The following KLHL1 variants were observed in gnomAD, a reference collection of about 807,000 sequenced individuals.
KLHL1 encodes the protein kelch like family member 1.
In KLHL1, 47 loss-of-function variants were observed where a neutral mutation model predicts 77.7. That is an observed-to-expected ratio of 0.60 (90% CI 0.48 to 0.77). The LOEUF (loss-of-function observed/expected upper bound fraction) is 0.77. Ranked by LOEUF, KLHL1 falls within the 30% of genes least tolerant of loss-of-function variation. The probability of loss-of-function intolerance (pLI) is 0.00; values close to 1 mark genes in which losing one functional copy is unlikely to be tolerated. For missense variants in KLHL1, 925 were observed against 910.8 expected (o/e 1.02, Z -0.20); for synonymous variants, 360 against 325.2 (o/e 1.11, Z -1.15).
chr13:69,931,836 A>G (rs183033039), intron 4 of KLHL1, among the ~76,000 whole-genome samples: 2,034 of 151,906 alleles, frequency 0.013, 29 homozygotes, highest in Non-Finnish European at 0.019. Context: ...TACCTGTTAA[A>G]AAGTTTTGAA....
intron 8 of KLHL1, among the ~76,000 whole-genome samples, chr13:69,735,729 A>C (rs2137921728): frequency 6.6e-6 from 1 of 151,862 alleles, no homozygotes; most frequent in East Asian, 1.9e-4. Context: ...TTAATATTTC[A>C]AATTTAGAGA....
intron 1 of KLHL1, among the ~76,000 whole-genome samples, chr13:70,020,599 A>G (rs1002439694): frequency 6.6e-6 from 1 of 152,014 alleles, no homozygotes; most frequent in African/African-American, 2.4e-5. Context: ...GTATCATGAG[A>G]CTACCTGGAG....
chr13:70,073,320 A>G (rs1426211446), intron 1 of KLHL1, among the ~76,000 whole-genome samples: 1 of 152,062 alleles, frequency 6.6e-6, no homozygotes, highest in Admixed American at 6.6e-5. Context: ...AAAAAACCAA[A>G]CACCACATGT....
At chr13:69,957,534 C>T (rs547269456) in intron 3 of KLHL1, among the ~76,000 whole-genome samples, 1 of 151,752 alleles carries the variant, frequency 6.6e-6, no homozygotes, top group South Asian at 2.1e-4. Flanking sequence ...TAAGGAGCAT[C>T]GACATATATA....
intron 10 of KLHL1, among the ~76,000 whole-genome samples, chr13:69,703,963 A>G (rs980460450): frequency 6.6e-6 from 1 of 151,598 alleles, no homozygotes; most frequent in Non-Finnish European, 1.5e-5. Flanking sequence ...GCATGACTGT[A>G]TATGTTCACA....
intron 6 of KLHL1, among the ~76,000 whole-genome samples, chr13:69,814,516 C>T (rs578080951): frequency 6.6e-6 from 1 of 152,114 alleles, no homozygotes; most frequent in South Asian, 2.1e-4. Context: ...AAAAGGCTAA[C>T]ATCCAGAATC....
At chr13:70,015,739 G>A (rs897422838) in intron 1 of KLHL1, among the ~76,000 whole-genome samples, 2 of 152,100 alleles carry the variant, frequency 1.3e-5, no homozygotes, top group African/African-American at 4.8e-5. Context: ...GATAGGTTAG[G>A]TGTATTAAAT....
In KLHL1 at chr13:69,889,759, G is replaced by A. The variant is rs1307914691; in HGVS notation, c.1015-7264C>T. ...GGGTTTCTTGTATGTAAATGAGGAT[G>A]AAAATAGCATCCATGATAATGCATT... On this transcript the variant is annotated intron_variant, in intron 4 of 10. Transcript: ENST00000377844. Among the ~76,000 whole-genome samples the A allele has an allele frequency of 2.0e-5, 3 of 152,104 alleles. No individual in the cohort carries two copies. The East Asian group carries it at 5.8e-4, about 29-fold the overall frequency.
chr13:69,736,275 A>G (rs1011689173), intron 8 of KLHL1, among the ~76,000 whole-genome samples: 2 of 152,206 alleles, frequency 1.3e-5, no homozygotes, highest in African/African-American at 4.8e-5. Flanking sequence ...TGAGGAACAA[A>G]CATATGAAAA....
intron 7 of KLHL1, among the ~76,000 whole-genome samples, chr13:69,754,019 T>C (rs1874601738): frequency 6.6e-6 from 1 of 151,862 alleles, no homozygotes; most frequent in African/African-American, 2.4e-5. Flanking sequence ...TTTTTTGTTT[T>C]TAGTAGAGAT....
chr13:69,798,106 T>C (rs1452244272), intron 6 of KLHL1, among the ~76,000 whole-genome samples: 1 of 152,160 alleles, frequency 6.6e-6, no homozygotes, highest in Non-Finnish European at 1.5e-5. Flanking sequence ...TAAGATAATA[T>C]AAGCTAACAG....
intron 7 of KLHL1, among the ~76,000 whole-genome samples, chr13:69,780,733 CATAT>C (rs1217018845): frequency 7.1e-5 from 3 of 42,080 alleles, no homozygotes; most frequent in Admixed American, 2.8e-4. Flanking sequence ...TATATATATA[CATAT>C]ATATATACAT....
intron 1 of KLHL1, among the ~76,000 whole-genome samples, chr13:70,078,105 T>C (rs1360102772): frequency 2.6e-5 from 4 of 151,852 alleles, no homozygotes; most frequent in African/African-American, 4.8e-5. Flanking sequence ...TGGCCTTAGC[T>C]GAGAAAGGAA....
chr13:69,974,193 C>A (rs1884476557), intron 2 of KLHL1, among the ~76,000 whole-genome samples: 1 of 151,568 alleles, frequency 6.6e-6, no homozygotes, highest in African/African-American at 2.4e-5. Flanking sequence ...TTTTTAAAAA[C>A]TAATTTTTCG....
intron 6 of KLHL1, among the ~76,000 whole-genome samples, chr13:69,835,929 G>A (rs1343014978): frequency 6.6e-6 from 1 of 151,850 alleles, no homozygotes; most frequent in Non-Finnish European, 1.5e-5. Flanking sequence ...AATACACAGG[G>A]GCTTCTTTTA....
intron 4 of KLHL1, among the ~76,000 whole-genome samples, chr13:69,914,702 C>T (rs1000352333): frequency 6.6e-6 from 1 of 152,154 alleles, no homozygotes; most frequent in African/African-American, 2.4e-5. Flanking sequence ...TACTGTACAG[C>T]ACTGTAACTC....
rs1874083785 is a variant in KLHL1, at chr13:69,743,784, T to TA, written c.1640-3229_1640-3228insT. On this transcript the variant is annotated intron_variant, in intron 7 of 10. Coordinates refer to ENST00000377844, the MANE Select transcript of KLHL1 (RefSeq NM_020866.3). ...CTGGGCAACAGAGTGAGATTTTGTC[T>TA]CAAAAAAAACACCAAAAAACAAAAC... is the stretch of plus-strand genomic sequence containing the variant. 5.3e-5 allele frequency among the ~76,000 whole-genome samples: 6 copies of TA among 113,988 alleles called. No individual in the cohort carries two copies. The South Asian group carries it at 1.6e-3, about 31-fold the overall frequency. 74.8% of individuals were successfully genotyped at this position (113,988 alleles called of 152,430 possible). A position where few individuals can be genotyped will look rare whatever the true frequency, so the allele number is the denominator to read the frequency against.
chr13:69,984,354 T>C (rs1282790549), intron 1 of KLHL1, among the ~76,000 whole-genome samples: 5 of 151,998 alleles, frequency 3.3e-5, no homozygotes, highest in African/African-American at 9.7e-5. Context: ...ATCGTGACAA[T>C]AGGAAAAGAC....
chr13:69,730,297 G>A (rs1261057463), intron 8 of KLHL1, among the ~76,000 whole-genome samples: 1 of 143,180 alleles, frequency 7.0e-6, no homozygotes, highest in Non-Finnish European at 1.5e-5. Flanking sequence ...GTGTGTGTGT[G>A]TTTTCATTAC....
Sources: gnomAD v4.1 joint callset for allele counts (sites outside exome capture counted in the v4.1 genomes callset) on GRCh38, gnomAD v4.1.1 for gene constraint, MANE v1.5 for transcripts, NCBI Gene and HGNC (gene_info 2026-07-23, HGNC 2026-07-21) for gene names.